WFDC2: variants seen among roughly 807,000 people sequenced by gnomAD.
The protein encoded by WFDC2 is WAP four-disulfide core domain 2, also known as WAP four-disulfide core domain protein 2.
Under a neutral mutation model 12.5 loss-of-function variants are expected in WFDC2, and 8 were observed. The observed-to-expected ratio is 0.64, with a 90% CI of 0.37 to 1.15. The LOEUF is 1.15. Ranked by LOEUF, WFDC2 falls within the 50% of genes most tolerant of loss-of-function variation. WFDC2 has a pLI of 0.01. For missense variants in WFDC2, 166 were observed against 159.9 expected, an observed-to-expected ratio of 1.04 and a Z score of -0.21; for synonymous variants, 74 against 67.2, an observed-to-expected ratio of 1.10 and a Z score of -0.49.
In WFDC2 at chr20:45,470,599, C is replaced by T. The variant is rs565868209; in HGVS notation, c.223+67C>T. On this transcript the variant is annotated intron_variant, in intron 2 of 3. Coordinates refer to ENST00000372676, the MANE Select transcript of WFDC2 (RefSeq NM_006103.4). This position sits in a 1 kb window ranked among gnomAD's most constrained non-coding sequence, Gnocchi z 5.4. Reference sequence around the variant, plus strand: ...CTGGGCTGGGAGGAGGTGGGAGGGCCCGGGTTCCGGGAACAGGGGCGCCCC... The same window carrying T: ...CTGGGCTGGGAGGAGGTGGGAGGGCTCGGGTTCCGGGAACAGGGGCGCCCC... The T allele has an allele frequency of 2.0e-6, 3 of 1,484,856 alleles. No individual in the cohort carries two copies. Among genetic ancestry groups the T allele is most frequent in the Non-Finnish European group, 1.8e-6 (2 of 1,115,840 alleles). 92.0% of individuals were successfully genotyped at this position (1,484,856 alleles called of 1,614,324 possible).
intron 2 of WFDC2, among the ~76,000 whole-genome samples, chr20:45,477,109 T>C (rs1991242411): frequency 6.6e-6 from 1 of 152,094 alleles, no homozygotes; most frequent in South Asian, 2.1e-4. Context: ...CTTTCTTGCA[T>C]TGGGGTTAGA....
chr20:45,479,721 A>C (rs1991276833), intron 2 of WFDC2: 1 of 1,613,896 alleles, frequency 6.2e-7, no homozygotes, highest in Non-Finnish European at 8.5e-7. Flanking sequence ...CTTGGGACTC[A>C]AGCTGAGGTC....
chr20:45,481,176 A>C (rs1000810823), intron 3 of WFDC2, among the ~76,000 whole-genome samples, 195 bp from the exon 4 acceptor site: 4 of 152,046 alleles, frequency 2.6e-5, no homozygotes, highest in Non-Finnish European at 5.9e-5. Flanking sequence ...CCTGCTAGGG[A>C]TGGTCTGAAG....
intron 2 of WFDC2, among the ~76,000 whole-genome samples, chr20:45,471,661 A>G (rs778914063): frequency 4.6e-5 from 7 of 152,140 alleles, no homozygotes; most frequent in African/African-American, 1.2e-4. Context: ...TTGGAGAGAA[A>G]GCAGGCAGCA....
chr20:45,479,736 GA>G, intron 2 of WFDC2: 1 of 1,613,996 alleles, frequency 6.2e-7, no homozygotes, highest in Non-Finnish European at 8.5e-7. Flanking sequence ...GAGGTCCTGT[GA>G]TTCCATTTGG....
intron 2 of WFDC2, among the ~76,000 whole-genome samples, chr20:45,472,945 A>T (rs190813050): frequency 1.3e-5 from 2 of 152,234 alleles, no homozygotes; most frequent in Non-Finnish European, 1.5e-5. Flanking sequence ...ATGACCAGTG[A>T]TGATGAGCAT....
At chr20:45,475,157 G>C (rs1991218223) in intron 2 of WFDC2, among the ~76,000 whole-genome samples, 2 of 151,928 alleles carry the variant, frequency 1.3e-5, no homozygotes, top group South Asian at 4.2e-4. Context: ...TTTTTGAAGG[G>C]TTTTTCATGT....
rs749912153 is a variant in WFDC2 at position 45,469,817 on chromosome 20, C to T, written c.36C>T (p.Ala12=). ...PACRLGPLAA[A]LLLSLLLFGF... ...GTCGCCTAGGCCCGCTAGCCGCCGC[C>T]CTCCTCCTCAGCCTGCTGCTGTTCG... is the stretch of plus-strand genomic sequence containing the variant. Residue 12 remains alanine (A), a synonymous_variant, in exon 1 of 4, where the codon GCC becomes GCT. Transcript: ENST00000372676. 1 of 1,611,180 alleles carries T rather than the reference C, an allele frequency of 6.2e-7. No homozygotes were observed. The highest frequency in any genetic ancestry group is 1.1e-5 in the South Asian group (1 of 90,298).
chr20:45,471,440 C>G (rs1011780846), intron 2 of WFDC2: 1 of 220,018 alleles, frequency 4.5e-6, no homozygotes, highest in African/African-American at 2.3e-5. Context: ...TGTTCTTTAT[C>G]CAGAATACAG....
intron 3 of WFDC2, 69 bp downstream of exon 3, chr20:45,480,163 C>T: frequency 1.3e-6 from 2 of 1,593,274 alleles, no homozygotes; most frequent in Non-Finnish European, 1.7e-6. Context: ...AAACGTCACC[C>T]AGGCGGAGGT....
intron 3 of WFDC2, among the ~76,000 whole-genome samples, chr20:45,481,142 G>A (rs1465679753): frequency 6.6e-6 from 1 of 151,980 alleles, no homozygotes; most frequent in Non-Finnish European, 1.5e-5. Context: ...GCTAGGGATG[G>A]TCTGACCACA....
At chr20:45,480,685 G>C (rs1287251923) in intron 3 of WFDC2, among the ~76,000 whole-genome samples, 1 of 152,172 alleles carries the variant, frequency 6.6e-6, no homozygotes, top group Non-Finnish European at 1.5e-5. Context: ...TGGTTGTCAT[G>C]TGCTACTTTT....
intron 2 of WFDC2, among the ~76,000 whole-genome samples, chr20:45,477,072 C>T (rs1192144995): frequency 2.6e-5 from 4 of 151,900 alleles, no homozygotes; most frequent in African/African-American, 9.7e-5. Flanking sequence ...GTTAGCAATT[C>T]CTATAACCTT....
chr20:45,480,157 G>A (rs1244581569), intron 3 of WFDC2, 63 bp downstream of exon 3: 15 of 1,598,876 alleles, frequency 9.4e-6, no homozygotes, highest in Admixed American at 6.7e-5. Flanking sequence ...AGGAGAAAAC[G>A]TCACCCAGGC....
rs1395792119 is a variant in WFDC2 at position 45,481,516 on chromosome 20, A to T, written c.*147A>T. ...AGCTTCTCCCTTTCCCAACCAATAA[A>T]GTAACCACTTTCAGCACGTTCTGTC... On this transcript the variant is annotated 3_prime_UTR_variant, in exon 4 of 4. Coordinates refer to ENST00000372676, the MANE Select transcript of WFDC2 (RefSeq NM_006103.4). 7 of 152,344 alleles carry T rather than the reference A, an allele frequency of 4.6e-5. No individual in the cohort carries two copies. The highest frequency in any genetic ancestry group is 1.7e-4 in the African/African-American group (7 of 41,422). The allele number at this position is 152,344 out of a possible 1,614,324, so 9.4% of individuals were successfully genotyped here.
intron 2 of WFDC2, among the ~76,000 whole-genome samples, chr20:45,475,830 A>C (rs576742429): frequency 2.0e-5 from 3 of 152,298 alleles, no homozygotes; most frequent in Non-Finnish European, 4.4e-5. Flanking sequence ...GTAGGTCTCT[A>C]AGAACTTGCT....
rs1991301079 is a variant in WFDC2, at chr20:45,481,532, A to T, written c.*163A>T. On this transcript the variant is annotated 3_prime_UTR_variant, in exon 4 of 4. Transcript: ENST00000372676. ...AACCAATAAAGTAACCACTTTCAGC[A>T]CGTTCTGTCTCTGTCTCCCCTGACT... 6.6e-6 allele frequency: 1 copy of T among 152,236 alleles called. No homozygotes were observed. Among genetic ancestry groups the T allele is most frequent in the African/African-American group, 2.4e-5 (1 of 41,364 alleles). 9.4% of individuals were successfully genotyped at this position (152,236 alleles called of 1,614,324 possible). A position where few individuals can be genotyped will look rare whatever the true frequency, so the allele number is the denominator to read the frequency against.
intron 2 of WFDC2, 38 bp from the exon 3 acceptor site, chr20:45,479,904 G>A (rs1024860970): frequency 4.3e-6 from 7 of 1,613,936 alleles, no homozygotes; most frequent in East Asian, 2.2e-5. Flanking sequence ...TCCCTGTATC[G>A]CCTCTGCCCA....
chr20:45,474,164 C>A (rs1991205312), intron 2 of WFDC2, among the ~76,000 whole-genome samples: 1 of 152,070 alleles, frequency 6.6e-6, no homozygotes, highest in African/African-American at 2.4e-5. Context: ...ATTGAATACC[C>A]TTTATTTCTT....
Sources: gnomAD v4.1 joint callset for allele counts (sites outside exome capture counted in the v4.1 genomes callset) on GRCh38, gnomAD v4.1.1 for gene constraint, Gnocchi (gnomAD v3.1) non-coding constraint, MANE v1.5 for transcripts, NCBI Gene and HGNC (gene_info 2026-07-23, HGNC 2026-07-21) for gene names.